The following TTC6 variants were observed in gnomAD, a reference collection of about 807,000 sequenced individuals.
TTC6 encodes the protein tetratricopeptide repeat domain 6.
TTC6 carries 172 observed loss-of-function variants against 210.4 expected under a neutral mutation model. The observed-to-expected ratio is 0.82, with a 90% CI of 0.72 to 0.93. TTC6 has a LOEUF of 0.93. Ranked by LOEUF, TTC6 falls within the 40% of genes least tolerant of loss-of-function variation. TTC6 has a pLI of 0.00. For synonymous variants in TTC6, 804 were observed against 819.6 expected (o/e 0.98, Z 0.32); for missense variants, 2,414 against 2,318.1 (o/e 1.04, Z -0.85).
At chr14:37,601,656 T>G (rs887805392) in intron 1 of TTC6, among the ~76,000 whole-genome samples, 1 of 152,220 alleles carries the variant, frequency 6.6e-6, no homozygotes, top group African/African-American at 2.4e-5. Flanking sequence ...CCTGAGAACC[T>G]TGAGCTTCCA....
chr14:37,672,349 C>A (rs1384540256), intron 1 of TTC6, among the ~76,000 whole-genome samples: 2 of 152,120 alleles, frequency 1.3e-5, no homozygotes, highest in Non-Finnish European at 2.9e-5. Context: ...TCCTATTGAA[C>A]TTGGAGCCTG....
chr14:37,666,385 C>T (rs1398407518), intron 1 of TTC6, among the ~76,000 whole-genome samples: 5 of 146,174 alleles, frequency 3.4e-5, no homozygotes, highest in Admixed American at 6.9e-5. Flanking sequence ...GGCTGAAGTG[C>T]GAGGATCACC....
chr14:37,823,801 C>T, exon 27 of TTC6: 1 of 1,613,976 alleles, frequency 6.2e-7, no homozygotes, highest in Non-Finnish European at 8.5e-7. Flanking sequence ...TTAAAATTAA[C>T]CCATGTTTTC....
chr14:37,719,245 G>A (rs2095857522), intron 6 of TTC6, among the ~76,000 whole-genome samples: 1 of 151,656 alleles, frequency 6.6e-6, no homozygotes, highest in Admixed American at 6.6e-5. Flanking sequence ...TTATAGATTG[G>A]AAGAATCAGG....
At chr14:37,808,080 A>G (rs1325444257) in intron 23 of TTC6, among the ~76,000 whole-genome samples, 1 of 152,194 alleles carries the variant, frequency 6.6e-6, no homozygotes, top group Non-Finnish European at 1.5e-5. Flanking sequence ...AACAGAAGTT[A>G]CTGGGTTAAA....
At chr14:37,672,104 G>T (rs763189203) in intron 1 of TTC6, among the ~76,000 whole-genome samples, 40 of 152,132 alleles carry the variant, frequency 2.6e-4, no homozygotes, top group Non-Finnish European at 4.6e-4. Flanking sequence ...ATGGAATACT[G>T]TTGACTAAAT....
chr14:37,611,765 C>T (rs2095634988), intron 2 of TTC6, among the ~76,000 whole-genome samples: 1 of 152,138 alleles, frequency 6.6e-6, no homozygotes, highest in Non-Finnish European at 1.5e-5. Context: ...TGTCCCTTTA[C>T]AGGGCAGCTT....
intron 13 of TTC6, among the ~76,000 whole-genome samples, chr14:37,752,804 T>C (rs575246720): frequency 2.0e-5 from 3 of 152,208 alleles, no homozygotes; most frequent in African/African-American, 7.2e-5. Context: ...CCACTCTAGT[T>C]GAACAATTCA....
chr14:37,733,991 G>T (rs373801506), intron 7 of TTC6, among the ~76,000 whole-genome samples: 1 of 151,930 alleles, frequency 6.6e-6, no homozygotes, highest in African/African-American at 2.4e-5. Context: ...AATCTGTTAT[G>T]TTATGGTGTT....
rs2096070573 is a variant in TTC6 at position 37,787,511 on chromosome 14, G to T, written c.3310G>T (p.Glu1104Ter). The T allele has an allele frequency of 5.2e-6, 8 of 1,529,470 alleles. No homozygotes were observed. The highest frequency in any genetic ancestry group is 7.0e-6 in the Non-Finnish European group (8 of 1,142,832). 94.7% of individuals were successfully genotyped at this position (1,529,470 alleles called of 1,614,324 possible). A position where few individuals can be genotyped will look rare whatever the true frequency, so the allele number is the denominator to read the frequency against. The stretch of plus-strand genomic sequence containing the variant: ...ATATGTTAAATGGAAATTTTATAAA[G>T]AAGCAACTCAAGATTTTTCTGCTGC... Residue 1104 changes from glutamate to a stop codon, truncating the protein, a stop_gained, in exon 15 of 31, where the codon GAA becomes TAA. Coordinates refer to ENST00000553443, the Ensembl canonical transcript of TTC6. LOFTEE classifies it high-confidence loss of function.
At chr14:37,710,132 G>C (rs1161063486) in intron 5 of TTC6, among the ~76,000 whole-genome samples, 2 of 152,094 alleles carry the variant, frequency 1.3e-5, no homozygotes, top group African/African-American at 2.4e-5. Context: ...GGTTACCTAA[G>C]AGTGACTGTG....
intron 1 of TTC6, among the ~76,000 whole-genome samples, chr14:37,605,109 C>T (rs1438521160): frequency 6.6e-6 from 1 of 152,162 alleles, no homozygotes; most frequent in Non-Finnish European, 1.5e-5. Context: ...TTAAGACAGA[C>T]AATATAGTCT....
At position 37,647,976 on chromosome 14, in the gene TTC6, AG is replaced by A. The variant is rs559293894; in HGVS notation, c.939+24975del. On this transcript the variant is annotated intron_variant, in intron 1 of 30. Transcript: ENST00000553443. ...CAAGTCTAGTAAGATGAAGACTACA[AG>A]GTTTAACCATAGCGTTATAACTATA... Among the ~76,000 whole-genome samples, 407 of 152,280 alleles carry A rather than the reference AG, an allele frequency of 2.7e-3. 4 individuals carry two copies. Among genetic ancestry groups the A allele is most frequent in the African/African-American group, 9.3e-3 (387 of 41,568 alleles).
intron 1 of TTC6, among the ~76,000 whole-genome samples, chr14:37,628,448 A>G (rs2095664105): frequency 6.6e-6 from 1 of 151,720 alleles, no homozygotes; most frequent in Admixed American, 6.6e-5. Flanking sequence ...CCCCTTTTTG[A>G]TGGGGTTGTT....
At chr14:37,761,172 C>T (rs1306516002) in intron 14 of TTC6, among the ~76,000 whole-genome samples, 1 of 152,106 alleles carries the variant, frequency 6.6e-6, no homozygotes, top group Admixed American at 6.5e-5. Context: ...TCCTGATCTG[C>T]AGATTGCAAT....
At chr14:37,606,180 G>T (rs1364754418) in intron 1 of TTC6, among the ~76,000 whole-genome samples, 1 of 152,122 alleles carries the variant, frequency 6.6e-6, no homozygotes, top group Non-Finnish European at 1.5e-5. Context: ...AGAACCCTAA[G>T]GCAATGGAAG....
chr14:37,636,303 A>C (rs1168850452), intron 1 of TTC6, among the ~76,000 whole-genome samples: 1 of 152,200 alleles, frequency 6.6e-6, no homozygotes, highest in Non-Finnish European at 1.5e-5. Context: ...ACTTTACCCA[A>C]CAACAGGAGA....
intron 12 of TTC6, among the ~76,000 whole-genome samples, chr14:37,750,843 T>C (rs2095949639): frequency 6.6e-6 from 1 of 152,076 alleles, no homozygotes; most frequent in Non-Finnish European, 1.5e-5. Flanking sequence ...TGAGCCATGA[T>C]TGTGCCACTG....
intron 5 of TTC6, among the ~76,000 whole-genome samples, chr14:37,709,569 T>C (rs536827277): frequency 6.6e-6 from 1 of 151,988 alleles, no homozygotes; most frequent in South Asian, 2.1e-4. Context: ...TAACTGCCAA[T>C]ATGTGAAAGC....
Sources: gnomAD v4.1 joint callset for allele counts (sites outside exome capture counted in the v4.1 genomes callset) on GRCh38, gnomAD v4.1.1 for gene constraint, MANE v1.5 for transcripts, NCBI Gene and HGNC (gene_info 2026-07-23, HGNC 2026-07-21) for gene names.